TAX1BP1: variants seen among roughly 807,000 people sequenced by gnomAD.
TAX1BP1 encodes Tax1 binding protein 1.
In TAX1BP1, 62 loss-of-function variants were observed where a neutral mutation model predicts 97.7. The ratio of observed to expected loss-of-function variants is 0.63; its 90% CI spans 0.52 to 0.78. TAX1BP1 has a LOEUF of 0.78. Among genes scored for constraint, TAX1BP1 ranks in the 30% least tolerant of loss-of-function variants. The pLI is 0.00. For missense variants in TAX1BP1, 867 were observed against 916.1 expected (o/e 0.95, Z 0.69); for synonymous variants, 340 against 304.2 (o/e 1.12, Z -1.23).
intron 7 of TAX1BP1, 75 bp downstream of exon 7, chr7:27,785,564 A>G: frequency 8.0e-7 from 1 of 1,254,932 alleles, no homozygotes; most frequent in East Asian, 2.3e-5. Flanking sequence ...GCTGTAGGTC[A>G]GCAATTTAGG....
At chr7:27,778,889 T>A (rs1789136607) in intron 5 of TAX1BP1, among the ~76,000 whole-genome samples, 1 of 150,968 alleles carries the variant, frequency 6.6e-6, no homozygotes, top group Non-Finnish European at 1.5e-5. Flanking sequence ...ACAATTTGGA[T>A]GGTTTTTTGT....
chr7:27,775,856 G>A (rs1002073142), intron 5 of TAX1BP1, among the ~76,000 whole-genome samples: 1 of 152,114 alleles, frequency 6.6e-6, no homozygotes, highest in Admixed American at 6.6e-5. Context: ...GCTTCATCTG[G>A]TGATTGTGGA....
intron 15 of TAX1BP1, among the ~76,000 whole-genome samples, 168 bp from the exon 16 acceptor site, chr7:27,827,570 C>T (rs948549674): frequency 2.6e-5 from 4 of 152,158 alleles, no homozygotes; most frequent in Admixed American, 2.0e-4. Context: ...GTGAAATACT[C>T]TGCAAAGTTT....
At position 27,796,179 on chromosome 7, in the gene TAX1BP1, A is replaced by G; in HGVS notation, c.1598A>G (p.Asp533Gly). 1 of 1,595,028 alleles carries G rather than the reference A, an allele frequency of 6.3e-7. No individual in the cohort carries two copies. Among genetic ancestry groups the G allele is most frequent in the Non-Finnish European group, 8.5e-7 (1 of 1,174,728 alleles). Residue 533 changes from aspartate (D) to glycine (G), a missense_variant, in exon 12 of 17, where the codon GAC (aspartate) becomes GGC (glycine). Asp to Gly is a moderately conservative substitution (Grantham distance 94, BLOSUM62 -1). Coordinates refer to ENST00000396319, the MANE Select transcript of TAX1BP1 (RefSeq NM_006024.7). ...TGTGAAATGACCAAAGAAATTGCTG[A>G]CAAAACAGAAAAGTATAATAAATGT... is the stretch of plus-strand genomic sequence containing the variant. ...QVCEMTKEIA[D>G]KTEKYNKCKQ...
intron 10 of TAX1BP1, among the ~76,000 whole-genome samples, chr7:27,793,604 A>G (rs1474808164): frequency 6.6e-6 from 1 of 152,168 alleles, no homozygotes; most frequent in African/African-American, 2.4e-5. Flanking sequence ...GTAATTGGCA[A>G]GTTCTTCATA....
intron 4 of TAX1BP1, among the ~76,000 whole-genome samples, chr7:27,766,846 T>G (rs1788665525): frequency 6.6e-6 from 1 of 152,162 alleles, no homozygotes; most frequent in South Asian, 2.1e-4. Context: ...AGCTTCCCAG[T>G]CTCTTAATTT....
At chr7:27,806,572 T>C (rs1184465222) in intron 13 of TAX1BP1, among the ~76,000 whole-genome samples, 1 of 152,190 alleles carries the variant, frequency 6.6e-6, no homozygotes, top group East Asian at 1.9e-4. Context: ...CCATATGCAG[T>C]TGGGTCTCTT....
intron 8 of TAX1BP1, among the ~76,000 whole-genome samples, chr7:27,790,320 TC>T (rs1789657321): frequency 6.6e-6 from 1 of 152,030 alleles, no homozygotes; most frequent in African/African-American, 2.4e-5. Context: ...TTTATAGTCT[TC>T]AGCTTTTATA....
At chr7:27,825,376 T>C (rs2128327362) in intron 15 of TAX1BP1, among the ~76,000 whole-genome samples, 1 of 152,292 alleles carries the variant, frequency 6.6e-6, no homozygotes, top group Admixed American at 6.5e-5. Context: ...CGAGTGAAGA[T>C]TTCACTCATC....
intron 3 of TAX1BP1, among the ~76,000 whole-genome samples, chr7:27,765,239 CTCCAGGTG>C (rs1423530909): frequency 6.6e-6 from 1 of 151,226 alleles, no homozygotes; most frequent in African/African-American, 2.4e-5. Flanking sequence ...TGGTCTCTAA[CTCCAGGTG>C]GGCTCAAGCG....
chr7:27,758,135 T>C lies in TAX1BP1; in HGVS notation c.265+2T>C. 6.2e-7 allele frequency: 1 copy of C among 1,605,548 alleles called. No homozygotes were observed. Among genetic ancestry groups the C allele is most frequent in the Non-Finnish European group, 8.5e-7 (1 of 1,175,342 alleles). Reference sequence around the variant, plus strand: ...TCAATTGTGTACTAGCATTCCAAGGTAAGGACTGAAAACTGCAGAACTCAA... The same window carrying C: ...TCAATTGTGTACTAGCATTCCAAGGCAAGGACTGAAAACTGCAGAACTCAA... On this transcript the variant is annotated splice_donor_variant, in intron 3 of 16. Coordinates refer to ENST00000396319, the MANE Select transcript of TAX1BP1 (RefSeq NM_006024.7). LOFTEE classifies it high-confidence loss of function.
chr7:27,791,061 T>G (rs757237463), intron 8 of TAX1BP1, among the ~76,000 whole-genome samples: 3 of 152,140 alleles, frequency 2.0e-5, no homozygotes, highest in Non-Finnish European at 4.4e-5. Flanking sequence ...ATACCTTTCT[T>G]GAATATATTA....
In TAX1BP1 at chr7:27,829,149, G is replaced by A. The variant is rs776390213; in HGVS notation, c.*320G>A. On this transcript the variant is annotated 3_prime_UTR_variant, in exon 17 of 17. Coordinates refer to ENST00000396319, the MANE Select transcript of TAX1BP1 (RefSeq NM_006024.7). The stretch of plus-strand genomic sequence containing the variant: ...TTTCAATGTTACTGCACTGAAAAAC[G>A]TGTATGTATTAGTGTGCTAGATTAT... The A allele has an allele frequency of 2.9e-4, 62 of 215,466 alleles. 2 individuals are homozygous for A. The highest frequency in any genetic ancestry group is 5.5e-5 in the Admixed American group (1 of 18,288). 13.3% of individuals were successfully genotyped at this position (215,466 alleles called of 1,614,324 possible).
intron 14 of TAX1BP1, 112 bp from the exon 15 acceptor site, chr7:27,816,776 CTA>C: frequency 7.6e-7 from 1 of 1,307,688 alleles, no homozygotes. Flanking sequence ...ATAAAAACAT[CTA>C]TTTTTTTCAC....
chr7:27,768,883 G>C (rs949553081), intron 4 of TAX1BP1, among the ~76,000 whole-genome samples: 1 of 151,906 alleles, frequency 6.6e-6, no homozygotes, highest in African/African-American at 2.4e-5. Flanking sequence ...GGTGTATGGA[G>C]GAAAAACATT....
chr7:27,767,333 A>G (rs1444429666), intron 4 of TAX1BP1, among the ~76,000 whole-genome samples: 1 of 152,086 alleles, frequency 6.6e-6, no homozygotes, highest in Admixed American at 6.5e-5. Flanking sequence ...AATATTTAAT[A>G]CCTTTGATTT....
chr7:27,777,244 AT>A (rs1375610835), intron 5 of TAX1BP1, among the ~76,000 whole-genome samples: 1 of 152,028 alleles, frequency 6.6e-6, no homozygotes, highest in Non-Finnish European at 1.5e-5. Context: ...GTGTTGGGAT[AT>A]TTTTTATATT....
In TAX1BP1 at chr7:27,741,901, CAG is replaced by C. The variant is rs201867372; in HGVS notation, c.-8+1634_-8+1635del. 4.1e-3 allele frequency among the ~76,000 whole-genome samples: 622 copies of C among 152,310 alleles called. 4 individuals are homozygous for C. Among genetic ancestry groups the C allele is most frequent in the Middle Eastern group, 0.02 (6 of 294 alleles). Reference sequence around the variant, plus strand: ...AAGACAATAGTGGGGAGAGGGTCAGCAGACAAACACGTGAACAAAGGTCTTTG... The same window carrying C: ...AAGACAATAGTGGGGAGAGGGTCAGCACAAACACGTGAACAAAGGTCTTTG... On this transcript the variant is annotated intron_variant, in intron 1 of 16. Coordinates refer to ENST00000396319, the MANE Select transcript of TAX1BP1 (RefSeq NM_006024.7).
At chr7:27,814,181 T>A (rs1790674863) in intron 13 of TAX1BP1, among the ~76,000 whole-genome samples, 1 of 151,806 alleles carries the variant, frequency 6.6e-6, no homozygotes, top group South Asian at 2.1e-4. Flanking sequence ...CACGTGCCAG[T>A]CTTGAATTAC....
Sources: allele counts gnomAD v4.1 joint callset (sites outside exome capture counted in the v4.1 genomes callset), GRCh38; gene constraint gnomAD v4.1.1; transcripts MANE v1.5; gene names NCBI Gene and HGNC (gene_info 2026-07-23, HGNC 2026-07-21).